Variants in ALK observed in about 807,000 individuals in gnomAD.
The protein encoded by ALK is ALK tyrosine kinase receptor.
Under a neutral mutation model 163.1 loss-of-function variants are expected in ALK, and 74 were observed. The observed-to-expected ratio is 0.45, with a 90% CI of 0.38 to 0.55. The LOEUF (loss-of-function observed/expected upper bound fraction) is 0.55, where lower values mean the gene tolerates loss of function less well. ALK is among the 20% of genes least tolerant of loss of function. The probability of loss-of-function intolerance (pLI) is 0.00; values close to 1 mark genes in which losing one functional copy is unlikely to be tolerated. For missense variants in ALK, 2,063 were observed against 2,105.3 expected, an observed-to-expected ratio of 0.98 and a Z score of 0.39; for synonymous variants, 960 against 843.2, an observed-to-expected ratio of 1.14 and a Z score of -2.40.
At chr2:29,254,648 A>G (rs1252592337) in intron 11 of ALK, among the ~76,000 whole-genome samples, 1 of 152,222 alleles carries the variant, frequency 6.6e-6, no homozygotes, top group Non-Finnish European at 1.5e-5. Flanking sequence ...AATGTGAACA[A>G]TTGGAGACTG....
At chr2:29,679,526 T>C (rs181088382) in intron 3 of ALK, among the ~76,000 whole-genome samples, 40 of 151,980 alleles carry the variant, frequency 2.6e-4, no homozygotes, top group Non-Finnish European at 4.6e-4. Context: ...AATTACAACA[T>C]GCATCTTAGT....
chr2:29,270,805 A>G (rs1665363496), intron 11 of ALK, among the ~76,000 whole-genome samples: 1 of 152,020 alleles, frequency 6.6e-6, no homozygotes, highest in Non-Finnish European at 1.5e-5. Context: ...TTAACACAAG[A>G]GTCTATCTGA....
At chr2:29,349,010 A>T (rs1668033792) in intron 5 of ALK, among the ~76,000 whole-genome samples, 1 of 152,206 alleles carries the variant, frequency 6.6e-6, no homozygotes, top group African/African-American at 2.4e-5. Context: ...AACGGGGATA[A>T]TAAGAGTACC....
At chr2:29,444,590 TA>T (rs1670626371) in intron 4 of ALK, among the ~76,000 whole-genome samples, 1 of 152,194 alleles carries the variant, frequency 6.6e-6, no homozygotes, top group South Asian at 2.1e-4. Flanking sequence ...CAAAAAAAAT[TA>T]AAAATTCTGT....
At chr2:29,395,172 A>G (rs1558305674) in intron 4 of ALK, among the ~76,000 whole-genome samples, 1 of 152,222 alleles carries the variant, frequency 6.6e-6, no homozygotes, top group Non-Finnish European at 1.5e-5. Flanking sequence ...GATTGGTTCA[A>G]ATGCGAATGC....
rs138827116 is a variant in ALK, at chr2:29,193,781, GCTC to G, written c.4303_4305del (p.Glu1435del). The G allele has an allele frequency of 9.9e-4, 1,573 of 1,593,952 alleles. 14 individuals are homozygous for G. In the African/African-American group the frequency reaches 0.019, roughly 19 times the overall value. On this transcript the variant is annotated inframe_deletion, in exon 29 of 29. Coordinates refer to ENST00000389048, the MANE Select transcript of ALK (RefSeq NM_004304.5). ...AGAGGTGGTGGGGCAGCTGGGCTGC[GCTC>G]CTCCTCCCGTTTTGCCTGTTGAGAG...
rs752257152 is a variant in ALK, at chr2:29,207,162, C to CTG, written c.3938+7_3938+8dup. 1.2e-6 allele frequency: 2 copies of CTG among 1,609,230 alleles called. No homozygotes were observed. The highest frequency in any genetic ancestry group is 3.3e-5 in the Admixed American group (2 of 60,020). On this transcript the variant is annotated intron_variant, in intron 26 of 28. Transcript: ENST00000389048. ...TGCAGGGATACCTGGAGGATGATGG[C>CTG]TGACTTACCATGTGTCTGTTTTAGA...
chr2:29,447,573 A>G (rs992630900), intron 4 of ALK, among the ~76,000 whole-genome samples: 25 of 152,198 alleles, frequency 1.6e-4, no homozygotes, highest in African/African-American at 5.8e-4. Flanking sequence ...AGATAAGAAC[A>G]TGGAGTCAGG....
At chr2:29,569,598 C>T (rs2148189161) in intron 3 of ALK, among the ~76,000 whole-genome samples, 1 of 152,178 alleles carries the variant, frequency 6.6e-6, no homozygotes, top group Middle Eastern at 3.4e-3. Flanking sequence ...ACAGTGTCTC[C>T]TTTTACAGAT....
chr2:29,523,732 C>T (rs547725067), intron 4 of ALK, among the ~76,000 whole-genome samples: 12 of 152,202 alleles, frequency 7.9e-5, no homozygotes, highest in South Asian at 2.1e-4. Context: ...GTTCTCTCAT[C>T]GTCCTGGTGT....
chr2:29,387,732 T>C (rs1308532762), intron 4 of ALK, among the ~76,000 whole-genome samples: 2 of 152,004 alleles, frequency 1.3e-5, no homozygotes, highest in Admixed American at 1.3e-4. Context: ...CCCACAGAGG[T>C]GGGAGGAGAA....
At chr2:29,900,770 C>G (rs1225736098) in intron 1 of ALK, among the ~76,000 whole-genome samples, 1 of 152,122 alleles carries the variant, frequency 6.6e-6, no homozygotes, top group South Asian at 2.1e-4. Flanking sequence ...CATCCTTTAA[C>G]CCCTCCACCT....
chr2:29,451,900 G>A (rs1440585820), intron 4 of ALK, among the ~76,000 whole-genome samples: 1 of 152,190 alleles, frequency 6.6e-6, no homozygotes, highest in East Asian at 1.9e-4. Flanking sequence ...TTCTATAGCT[G>A]TGTTGTCGAA....
intron 4 of ALK, among the ~76,000 whole-genome samples, chr2:29,519,064 T>A (rs537267560): frequency 3.0e-4 from 46 of 152,374 alleles, no homozygotes; most frequent in African/African-American, 1.1e-3. Flanking sequence ...GTATTACTAT[T>A]GCCATTTTGT....
chr2:29,422,277 T>C (rs983992745), intron 4 of ALK, among the ~76,000 whole-genome samples: 1 of 151,374 alleles, frequency 6.6e-6, no homozygotes, highest in Admixed American at 6.6e-5. Flanking sequence ...TCCAGGAGGG[T>C]TTCTTGGGTC....
intron 5 of ALK, among the ~76,000 whole-genome samples, chr2:29,336,601 C>G (rs11691619): frequency 6.6e-6 from 1 of 152,212 alleles, no homozygotes; most frequent in African/African-American, 2.4e-5. Context: ...ATTGGGTTCA[C>G]TCACTGAGAA....
chr2:29,880,418 G>T (rs1666826515), intron 1 of ALK, among the ~76,000 whole-genome samples: 1 of 152,186 alleles, frequency 6.6e-6, no homozygotes, highest in African/African-American at 2.4e-5. Flanking sequence ...AGTAACCTCA[G>T]GGCAGTGGTT....
chr2:29,778,963 G>A (rs1381031356), intron 1 of ALK, among the ~76,000 whole-genome samples: 1 of 151,948 alleles, frequency 6.6e-6, no homozygotes, highest in Non-Finnish European at 1.5e-5. Flanking sequence ...AGACCATCCT[G>A]GCTAACATGG....
At chr2:29,553,968 T>C (rs1347347991) in intron 3 of ALK, among the ~76,000 whole-genome samples, 2 of 152,238 alleles carry the variant, frequency 1.3e-5, no homozygotes, top group African/African-American at 2.4e-5. Flanking sequence ...TTATCTATTA[T>C]ATTTGCTAAA....
Sources: gnomAD v4.1 joint callset for allele counts (sites outside exome capture counted in the v4.1 genomes callset) on GRCh38, gnomAD v4.1.1 for gene constraint, MANE v1.5 for transcripts, NCBI Gene and HGNC (gene_info 2026-07-23, HGNC 2026-07-21) for gene names.